Variants in TG observed in about 807,000 individuals in gnomAD.
The protein encoded by TG is thyroglobulin.
TG carries 270 observed loss-of-function variants against 324.7 expected under a neutral mutation model. The ratio of observed to expected loss-of-function variants is 0.83; its 90% CI spans 0.75 to 0.92. The LOEUF (loss-of-function observed/expected upper bound fraction) is 0.92. Ranked by LOEUF, TG falls within the 40% of genes least tolerant of loss-of-function variation. The pLI is 0.00. For missense variants in TG, 3,591 were observed against 3,456.4 expected, an observed-to-expected ratio of 1.04 and a Z score of -0.98; for synonymous variants, 1,401 against 1,327.0, an observed-to-expected ratio of 1.06 and a Z score of -1.21.
chr8:133,117,091 T>C (rs1850760426), intron 45 of TG, among the ~76,000 whole-genome samples: 1 of 152,230 alleles, frequency 6.6e-6, no homozygotes, highest in South Asian at 2.1e-4. Flanking sequence ...CAAATGAAAG[T>C]TGTATTCATG....
In TG at chr8:133,017,834, G is replaced by A. The variant is rs376287568; in HGVS notation, c.6619G>A (p.Gly2207Ser). The stretch of plus-strand genomic sequence containing the variant: ...ACCTTCTGTGCCCATTTCCACCCAT[G>A]GCCGGCTGCTGGGCAGGTCCCAGGC... ...SVPSVPISTH[G>S]RLLGRSQAIQ... Residue 2207 changes from glycine to serine, a missense_variant, in exon 38 of 48, where the codon GGC becomes AGC. Transcript: ENST00000220616. 13 of 1,614,036 alleles carry A rather than the reference G, an allele frequency of 8.1e-6. No homozygotes were observed. The highest frequency in any genetic ancestry group is 1.3e-5 in the African/African-American group (1 of 74,916).
At chr8:133,099,036 G>A (rs1039108628) in intron 43 of TG, among the ~76,000 whole-genome samples, 4 of 152,178 alleles carry the variant, frequency 2.6e-5, no homozygotes, top group African/African-American at 9.7e-5. Context: ...TCCCTCTAAG[G>A]TTTTTAAGGA....
chr8:132,941,651 C>G (rs1212657618), intron 26 of TG, 109 bp downstream of exon 26: 24 of 1,265,908 alleles, frequency 1.9e-5, no homozygotes, highest in Non-Finnish European at 2.6e-5. Flanking sequence ...GTGTGAGTGC[C>G]TACACCCAAA....
At position 133,017,921 on chromosome 8, in the gene TG, C is replaced by G. The variant is rs1443580698; in HGVS notation, c.6706C>G (p.Pro2236Ala). 1 of 1,614,196 alleles carries G rather than the reference C, an allele frequency of 6.2e-7. No individual in the cohort carries two copies. Among genetic ancestry groups the G allele is most frequent in the Non-Finnish European group, 8.5e-7 (1 of 1,180,048 alleles). The change falls in exon 38 of 48, where the codon CCG (proline) becomes GCG (alanine). Residue 2236 changes from proline (P) to alanine (A), a missense_variant. Coordinates refer to ENST00000220616, the MANE Select transcript of TG (RefSeq NM_003235.5). ...GTTCCTTGGAGTTCCATATGCTGCCCCGCCCCTGGCAGAGAGGCGCTTCCA... is the reference window on the plus strand; with the variant it reads ...GTTCCTTGGAGTTCCATATGCTGCCGCGCCCCTGGCAGAGAGGCGCTTCCA... Reference protein sequence around the residue: ...DQFLGVPYAAPPLAERRFQAP... With the variant: ...DQFLGVPYAAAPLAERRFQAP...
chr8:132,882,779 G>T, intron 7 of TG, 35 bp from the exon 8 acceptor site: 2 of 1,613,732 alleles, frequency 1.2e-6, no homozygotes, highest in Non-Finnish European at 1.7e-6. Flanking sequence ...AAGCATTGTT[G>T]ACACTGTCTT....
chr8:133,134,552 C>T, intron 47 of TG, 124 bp from the exon 48 acceptor site: 1 of 900,190 alleles, frequency 1.1e-6, no homozygotes, highest in Non-Finnish European at 1.9e-6. Flanking sequence ...GGAAAATTCC[C>T]TCTAAAGGGC....
At chr8:132,906,570 G>T in intron 16 of TG, 118 bp from the exon 17 acceptor site, 1 of 1,187,856 alleles carries the variant, frequency 8.4e-7, no homozygotes, top group Non-Finnish European at 1.2e-6. Context: ...GACAGGTCCA[G>T]GGAAGGGGAG....
intron 41 of TG, among the ~76,000 whole-genome samples, chr8:133,064,753 A>G (rs1842827696): frequency 6.6e-6 from 1 of 152,166 alleles, no homozygotes; most frequent in African/African-American, 2.4e-5. Flanking sequence ...TGTGCTCTGC[A>G]TTATCTCATA....
chr8:133,019,779 A>G, intron 39 of TG, 84 bp downstream of exon 39: 1 of 1,181,580 alleles, frequency 8.5e-7, no homozygotes, highest in Non-Finnish European at 1.2e-6. Flanking sequence ...AGCACAGTTC[A>G]GTCTCCTCCT....
chr8:132,923,207 G>C, intron 21 of TG, 131 bp from the exon 22 acceptor site: 1 of 1,036,554 alleles, frequency 9.6e-7, no homozygotes, highest in South Asian at 1.4e-5. Flanking sequence ...GAACACTGAA[G>C]AGTTTTAAGC....
chr8:133,068,076 C>T (rs1242272427), intron 41 of TG, among the ~76,000 whole-genome samples: 1 of 152,170 alleles, frequency 6.6e-6, no homozygotes, highest in Non-Finnish European at 1.5e-5. Context: ...GATAGGATAC[C>T]TCAATCCTGG....
chr8:133,067,220 C>CA (rs1843162755), intron 41 of TG, among the ~76,000 whole-genome samples: 1 of 152,148 alleles, frequency 6.6e-6, no homozygotes, highest in Admixed American at 6.5e-5. Flanking sequence ...CTGCCGAGGC[C>CA]ACTTACCCCG....
intron 34 of TG, among the ~76,000 whole-genome samples, chr8:132,982,881 G>T (rs1464367873): frequency 2.6e-5 from 4 of 152,106 alleles, no homozygotes; most frequent in African/African-American, 9.7e-5. Context: ...TCTGGGACGG[G>T]GTAGGACTGC....
chr8:133,029,231 T>TA (rs371401509), intron 40 of TG, among the ~76,000 whole-genome samples: 63 of 140,922 alleles, frequency 4.5e-4, no homozygotes, highest in African/African-American at 8.0e-4. Flanking sequence ...TCATTTTATT[T>TA]AAAAAAAAAA....
chr8:132,948,408 A>T (rs1398534403), intron 26 of TG, among the ~76,000 whole-genome samples: 2 of 152,168 alleles, frequency 1.3e-5, no homozygotes, highest in African/African-American at 4.8e-5. Flanking sequence ...AAGCAGCAGC[A>T]GCTCAGGAAA....
intron 35 of TG, among the ~76,000 whole-genome samples, chr8:132,992,171 G>T (rs1474675584): frequency 6.6e-6 from 1 of 152,128 alleles, no homozygotes; most frequent in East Asian, 1.9e-4. Flanking sequence ...CTAAGCACTG[G>T]GGTACGGCTG....
At chr8:132,923,291 A>G (rs779439235) in intron 21 of TG, 47 bp from the exon 22 acceptor site, 3 of 1,607,974 alleles carry the variant, frequency 1.9e-6, no homozygotes, top group Non-Finnish European at 2.6e-6. Flanking sequence ...GAGTCAGGGG[A>G]TTCCAGAGGC....
At chr8:133,089,923 C>G (rs1465091864) in intron 41 of TG, 1 of 152,166 alleles carries the variant, frequency 6.6e-6, no homozygotes, top group African/African-American at 2.4e-5. Flanking sequence ...TCTGGGCCAC[C>G]CTAGTGCCCA....
intron 15 of TG, 90 bp downstream of exon 15, chr8:132,900,429 C>T: frequency 8.3e-7 from 1 of 1,205,040 alleles, no homozygotes; most frequent in Non-Finnish European, 1.2e-6. Flanking sequence ...TGTCCCAGCT[C>T]TACTGCTTCC....
Sources: gnomAD v4.1 joint callset for allele counts (sites outside exome capture counted in the v4.1 genomes callset) on GRCh38, gnomAD v4.1.1 for gene constraint, MANE v1.5 for transcripts, NCBI Gene and HGNC (gene_info 2026-07-23, HGNC 2026-07-21) for gene names.